Variants in CACNA1C observed in about 807,000 individuals in gnomAD.
The protein encoded by CACNA1C is voltage-dependent L-type calcium channel subunit alpha-1C.
Under a neutral mutation model 229.0 loss-of-function variants are expected in CACNA1C, and 30 were observed. The ratio of observed to expected loss-of-function variants is 0.13; its 90% CI spans 0.10 to 0.18. The LOEUF is 0.18. Among genes scored for constraint, CACNA1C ranks in the 10% least tolerant of loss-of-function variants. The pLI is 1.00. For synonymous variants in CACNA1C, 1,114 were observed against 1,132.5 expected, an observed-to-expected ratio of 0.98 and a Z score of 0.33; for missense variants, 1,658 against 2,845.0, an observed-to-expected ratio of 0.58 and a Z score of 9.49.
chr12:2,407,683 A>G (rs1211122282), intron 3 of CACNA1C, among the ~76,000 whole-genome samples: 1 of 122,534 alleles, frequency 8.2e-6, no homozygotes, highest in Non-Finnish European at 1.7e-5. Flanking sequence ...GTCTCCACTG[A>G]CACCATGTGG....
intron 3 of CACNA1C, among the ~76,000 whole-genome samples, chr12:2,189,070 G>A (rs1385681808): frequency 1.4e-5 from 2 of 141,214 alleles, no homozygotes; most frequent in East Asian, 2.1e-4. Flanking sequence ...TCCAGCCTGC[G>A]CGACAGAACG....
chr12:2,614,112 C>G (rs144582502), intron 29 of CACNA1C: 55 of 152,324 alleles, frequency 3.6e-4, no homozygotes, highest in Admixed American at 1.5e-3. Context: ...CTAAAAGACA[C>G]TCCACCTAAA....
chr12:2,004,692 A>T (rs533355411), intron 1 of CACNA1C: 1 of 496,256 alleles, frequency 2.0e-6, no homozygotes, highest in South Asian at 2.9e-5. Flanking sequence ...TTCTTTCTCC[A>T]AGAGCTGTTT....
Position 2,602,051 on chromosome 12 carries a change from G to T in CACNA1C, c.2960+91G>T. 1.2e-6 allele frequency: 1 copy of T among 820,314 alleles called. No homozygotes were observed. 50.8% of individuals were successfully genotyped at this position (820,314 alleles called of 1,614,324 possible). A position where few individuals can be genotyped will look rare whatever the true frequency, so the allele number is the denominator to read the frequency against. On this transcript the variant is annotated intron_variant, in intron 22 of 46. Transcript: ENST00000399655. The surrounding 1 kb of genome is among the most constrained non-coding windows in gnomAD (Gnocchi z 4.4). ...CAGACCCTGGAGGGCCTGCCTGCAGGGCCACCGCAGTGTGATGAGAGTGGG... is the reference window on the plus strand; with the variant it reads ...CAGACCCTGGAGGGCCTGCCTGCAGTGCCACCGCAGTGTGATGAGAGTGGG...
At chr12:2,041,426 G>A (rs547525840) in intron 1 of CACNA1C, among the ~76,000 whole-genome samples, 2 of 152,022 alleles carry the variant, frequency 1.3e-5, no homozygotes, top group African/African-American at 2.4e-5. Context: ...ACAGGCGCTT[G>A]CCACCGCGTC....
chr12:2,448,722 C>T (rs1405367720), intron 3 of CACNA1C, among the ~76,000 whole-genome samples: 1 of 151,728 alleles, frequency 6.6e-6, no homozygotes, highest in African/African-American at 2.4e-5. Flanking sequence ...AATTTTTCCA[C>T]TAGTCTAATA....
At position 2,113,800 on chromosome 12, in the gene CACNA1C, T is replaced by C. The variant is rs1055068801; in HGVS notation, c.50-1424T>C. 1.2e-4 allele frequency among the ~76,000 whole-genome samples: 18 copies of C among 152,236 alleles called. No homozygotes were observed. In the East Asian group the frequency reaches 3.3e-3, roughly 28 times the overall value. On this transcript the variant is annotated intron_variant, in intron 1 of 46. Transcript: ENST00000399655. ...ATCGCTTGGCAAACCTTACAGACTC[T>C]AGAGCGAGGCATCCAGCCTAACAGG...
intron 11 of CACNA1C, among the ~76,000 whole-genome samples, chr12:2,562,102 C>T (rs955255299): frequency 4.9e-5 from 7 of 144,154 alleles, no homozygotes; most frequent in African/African-American, 7.6e-5. Flanking sequence ...CCATGTGACT[C>T]TCCCAAATGG....
At chr12:2,600,840 G>A (rs1037382573) in intron 21 of CACNA1C, among the ~76,000 whole-genome samples, 11 of 152,204 alleles carry the variant, frequency 7.2e-5, no homozygotes, top group African/African-American at 2.7e-4. Flanking sequence ...TCAAATCCAG[G>A]CTGTAGTGAC....
At chr12:2,118,993 T>C (rs752031368) in intron 2 of CACNA1C, among the ~76,000 whole-genome samples, 5 of 152,250 alleles carry the variant, frequency 3.3e-5, no homozygotes, top group Non-Finnish European at 7.4e-5. Context: ...ATCACTCGGG[T>C]TCCTCCCAGT....
chr12:2,678,056 A>C lies in CACNA1C; in HGVS notation c.5091+189A>C, dbSNP rs61593551. Among the ~76,000 whole-genome samples the C allele has an allele frequency of 0.02, 3,011 of 152,284 alleles. 103 individuals are homozygous for C. The highest frequency in any genetic ancestry group is 0.068 in the African/African-American group (2,814 of 41,556). On this transcript the variant is annotated intron_variant, in intron 41 of 46. Transcript: ENST00000399655. The surrounding 1 kb of genome is among the most constrained non-coding windows in gnomAD (Gnocchi z 4.1). ...TCCAAGCCTGACTCCATCCCAAGGC[A>C]GGGCTCCCTGGAAACAGCAGCTCTC...
At chr12:2,033,919 A>T (rs565171523) in intron 1 of CACNA1C, among the ~76,000 whole-genome samples, 17 of 152,342 alleles carry the variant, frequency 1.1e-4, no homozygotes, top group Non-Finnish European at 2.5e-4. Context: ...GTTCCGAGAG[A>T]AGCACTGACA....
chr12:2,529,796 C>T (rs573643432), intron 9 of CACNA1C, among the ~76,000 whole-genome samples: 13 of 152,332 alleles, frequency 8.5e-5, no homozygotes, highest in Admixed American at 4.6e-4. Context: ...AACCTGTCCA[C>T]GGAAGTGTCA....
chr12:1,972,588 C>T (rs1196333604), intron 1 of CACNA1C, among the ~76,000 whole-genome samples: 1 of 152,202 alleles, frequency 6.6e-6, no homozygotes, highest in Non-Finnish European at 1.5e-5. Context: ...TGTGGTCTAA[C>T]AAGGTTAAAT....
At chr12:2,431,116 C>G (rs1176186548) in intron 3 of CACNA1C, among the ~76,000 whole-genome samples, 1 of 152,172 alleles carries the variant, frequency 6.6e-6, no homozygotes, top group African/African-American at 2.4e-5. Context: ...CCACTTAGGT[C>G]AGTAGTTCCC....
chr12:2,625,313 G>T (rs1217836430), intron 29 of CACNA1C, among the ~76,000 whole-genome samples: 1 of 152,192 alleles, frequency 6.6e-6, no homozygotes, highest in East Asian at 1.9e-4. Context: ...AAAAAAGCCC[G>T]GTGGGAAAGT....
intron 4 of CACNA1C, among the ~76,000 whole-genome samples, chr12:2,449,902 G>T (rs1276353176): frequency 2.0e-5 from 3 of 152,192 alleles, no homozygotes; most frequent in Non-Finnish European, 4.4e-5. Flanking sequence ...CTGTGCCTGT[G>T]CTCTGGACTT....
At chr12:2,671,993 A>AAGAC (rs1569176976) in intron 38 of CACNA1C, 1 of 152,278 alleles carries the variant, frequency 6.6e-6, no homozygotes, top group Non-Finnish European at 1.5e-5. Context: ...CTAAGAAAGA[A>AAGAC]AGACAAAGTC....
At chr12:2,652,569 A>G (rs2095111477) in intron 32 of CACNA1C, among the ~76,000 whole-genome samples, 1 of 152,202 alleles carries the variant, frequency 6.6e-6, no homozygotes. Flanking sequence ...GTCAGGGAAG[A>G]TGGTCTTTGT....
Sources: allele counts gnomAD v4.1 joint callset (sites outside exome capture counted in the v4.1 genomes callset), GRCh38; gene constraint gnomAD v4.1.1; non-coding constraint Gnocchi (gnomAD v3.1); transcripts MANE v1.5; gene names NCBI Gene and HGNC (gene_info 2026-07-23, HGNC 2026-07-21).